The following ADAMTSL1 variants were observed in gnomAD, a reference collection of about 807,000 sequenced individuals.
ADAMTSL1 encodes the protein ADAMTS like 1.
Under a neutral mutation model 201.8 loss-of-function variants are expected in ADAMTSL1, and 126 were observed. That is an observed-to-expected ratio of 0.62 (90% CI 0.54 to 0.72). The LOEUF is 0.72. Ranked by LOEUF, ADAMTSL1 falls within the 30% of genes least tolerant of loss-of-function variation. The pLI is 0.00. For synonymous variants in ADAMTSL1, 1,121 were observed against 903.4 expected, an observed-to-expected ratio of 1.24 and a Z score of -4.32; for missense variants, 2,679 against 2,277.8, an observed-to-expected ratio of 1.18 and a Z score of -3.59.
intron 4 of ADAMTSL1, chr9:18,574,587 GTT>G: frequency 2.6e-6 from 1 of 386,552 alleles, no homozygotes; most frequent in Non-Finnish European, 4.2e-6. Context: ...TGAAGTGTGT[GTT>G]TGTGTTTGTG....
At chr9:18,640,651 A>G (rs1353493942) in intron 7 of ADAMTSL1, among the ~76,000 whole-genome samples, 2 of 151,988 alleles carry the variant, frequency 1.3e-5, no homozygotes, top group African/African-American at 2.4e-5. Flanking sequence ...CTGCTTTATC[A>G]TCTTTATTTT....
intron 2 of ADAMTSL1, among the ~76,000 whole-genome samples, chr9:18,204,454 T>C (rs1829569992): frequency 6.6e-6 from 1 of 152,084 alleles, no homozygotes; most frequent in African/African-American, 2.4e-5. Context: ...GTGAGTCTAT[T>C]AAAGCTCTTT....
At chr9:18,256,407 A>G (rs1831688064) in intron 2 of ADAMTSL1, among the ~76,000 whole-genome samples, 1 of 152,220 alleles carries the variant, frequency 6.6e-6, no homozygotes, top group Non-Finnish European at 1.5e-5. Context: ...GGTAGGGTGT[A>G]GGTACAGGAA....
intron 22 of ADAMTSL1, 46 bp from the exon 23 acceptor site, chr9:18,829,797 A>G: frequency 6.2e-7 from 1 of 1,611,632 alleles, no homozygotes; most frequent in South Asian, 1.1e-5. Context: ...GCCTTGACAC[A>G]GCCCTGTGCT....
intron 5 of ADAMTSL1, among the ~76,000 whole-genome samples, chr9:18,623,243 CAAAA>C (rs11313686): frequency 2.3e-4 from 33 of 140,736 alleles, no homozygotes; most frequent in African/African-American, 9.0e-4. Flanking sequence ...TCAATACTAG[CAAAA>C]AAAAAAAAAA....
chr9:17,957,975 T>C (rs1480582515), intron 1 of ADAMTSL1, among the ~76,000 whole-genome samples: 2 of 152,164 alleles, frequency 1.3e-5, no homozygotes, highest in African/African-American at 4.8e-5. Context: ...TTTTGTTGTT[T>C]GAAGCCTCCC....
intron 4 of ADAMTSL1, among the ~76,000 whole-genome samples, chr9:18,591,967 C>G (rs1823943154): frequency 6.6e-6 from 1 of 152,164 alleles, no homozygotes; most frequent in African/African-American, 2.4e-5. Flanking sequence ...AATTCATTGA[C>G]TTTTGAAGTG....
intron 1 of ADAMTSL1, among the ~76,000 whole-genome samples, chr9:18,161,421 A>G (rs116857166): frequency 0.017 from 2,569 of 152,198 alleles, 46 homozygotes; most frequent in South Asian, 0.026. Flanking sequence ...AAAGGTGATC[A>G]CCATTTTGGA....
intron 1 of ADAMTSL1, among the ~76,000 whole-genome samples, chr9:17,913,232 G>C (rs2131271799): frequency 6.6e-6 from 1 of 152,234 alleles, no homozygotes; most frequent in South Asian, 2.1e-4. Flanking sequence ...ATTCTGTGAA[G>C]AAAGTCCTTG....
At chr9:18,701,637 T>C (rs1315597604) in intron 13 of ADAMTSL1, among the ~76,000 whole-genome samples, 1 of 152,172 alleles carries the variant, frequency 6.6e-6, no homozygotes. Context: ...TAAAGAGAAA[T>C]CCACAACCTC....
Position 18,661,922 on chromosome 9 carries a change from T to C in ADAMTSL1, c.947-13T>C, listed in dbSNP as rs1163173376. 31 of 1,609,524 alleles carry C rather than the reference T, an allele frequency of 1.9e-5. No individual in the cohort carries two copies. Among genetic ancestry groups the C allele is most frequent in the Non-Finnish European group, 2.5e-5 (30 of 1,178,380 alleles). ...TGTACATTTAAACTTGCCTGGATGG[T>C]TTGATACTACAGGTTATCAGCTGAC... is the stretch of plus-strand genomic sequence containing the variant. On this transcript the variant is annotated splice_polypyrimidine_tract_variant and intron_variant, in intron 8 of 28. Transcript: ENST00000380548.
rs758490070 is a variant in ADAMTSL1, at chr9:18,661,928, A to G, written c.947-7A>G. On this transcript the variant is annotated splice_region_variant and splice_polypyrimidine_tract_variant and intron_variant, in intron 8 of 28. Coordinates refer to ENST00000380548, the MANE Select transcript of ADAMTSL1 (RefSeq NM_001040272.6). The stretch of plus-strand genomic sequence containing the variant: ...TTTAAACTTGCCTGGATGGTTTGAT[A>G]CTACAGGTTATCAGCTGACATCGGC... The G allele has an allele frequency of 5.6e-6, 9 of 1,611,666 alleles. No homozygotes were observed. The Admixed American group carries it at 6.7e-5, about 12-fold the overall frequency.
intron 1 of ADAMTSL1, among the ~76,000 whole-genome samples, chr9:18,484,898 C>A (rs568024149): frequency 1.3e-5 from 2 of 152,022 alleles, no homozygotes; most frequent in South Asian, 2.1e-4. Flanking sequence ...GTAGGAGTTA[C>A]GGAAAGTAGA....
Position 18,166,945 on chromosome 9 carries a change from G to C in ADAMTSL1, c.207+2964G>C, listed in dbSNP as rs10756944. On this transcript the variant is annotated intron_variant, in intron 2 of 29. Coordinates refer to the ADAMTSL1 transcript ENST00000680146. ...TGGCGTGAATTAACTTTTGCATTGC[G>C]TTAGAAAAACTTTCTAGCTAGCTTC... Among the ~76,000 whole-genome samples the C allele has an allele frequency of 2.5e-4, 38 of 151,676 alleles. 1 individual carries two copies. The South Asian group carries it at 7.7e-3, about 31-fold the overall frequency.
intron 1 of ADAMTSL1, among the ~76,000 whole-genome samples, chr9:18,109,117 G>A (rs1422357240): frequency 1.3e-5 from 2 of 152,164 alleles, no homozygotes; most frequent in African/African-American, 2.4e-5. Context: ...TTTAAGACTT[G>A]TGAATACAAT....
At chr9:18,772,574 C>A (rs1563786338) in intron 17 of ADAMTSL1, among the ~76,000 whole-genome samples, 2 of 152,138 alleles carry the variant, frequency 1.3e-5, no homozygotes, top group South Asian at 2.1e-4. Context: ...AATTATTTAA[C>A]CTTTTTGGCT....
intron 2 of ADAMTSL1, among the ~76,000 whole-genome samples, chr9:18,264,121 A>T (rs1395424265): frequency 6.6e-6 from 1 of 152,138 alleles, no homozygotes; most frequent in African/African-American, 2.4e-5. Flanking sequence ...TAGCATCTAG[A>T]TTCTCTAGAA....
Position 18,639,431 on chromosome 9 carries a change from C to T in ADAMTSL1, c.834+20C>T, listed in dbSNP as rs1291049007. On this transcript the variant is annotated intron_variant, in intron 7 of 28. Coordinates refer to ENST00000380548, the MANE Select transcript of ADAMTSL1 (RefSeq NM_001040272.6). Reference sequence around the variant, plus strand: ...GTCAAGGTGAGCCCTATTTAGATACCTCCTTTTCAAGCCACATCCCAAATG... The same window carrying T: ...GTCAAGGTGAGCCCTATTTAGATACTTCCTTTTCAAGCCACATCCCAAATG... 1 of 1,603,074 alleles carries T rather than the reference C, an allele frequency of 6.2e-7. No individual in the cohort carries two copies. The highest frequency in any genetic ancestry group is 2.2e-5 in the East Asian group (1 of 44,682).
chr9:17,937,394 G>C (rs186309095), intron 1 of ADAMTSL1, among the ~76,000 whole-genome samples: 4 of 152,036 alleles, frequency 2.6e-5, no homozygotes, highest in Middle Eastern at 6.8e-3. Flanking sequence ...CACTGCACAC[G>C]TTCTCTCTGC....
Sources: allele counts gnomAD v4.1 joint callset (sites outside exome capture counted in the v4.1 genomes callset), GRCh38; gene constraint gnomAD v4.1.1; transcripts MANE v1.5; gene names NCBI Gene and HGNC (gene_info 2026-07-23, HGNC 2026-07-21).